PELI1: variants seen among roughly 807,000 people sequenced by gnomAD.
PELI1 encodes pellino E3 ubiquitin protein ligase 1, also known as E3 ubiquitin-protein ligase pellino homolog 1.
In PELI1, 15 loss-of-function variants were observed where a neutral mutation model predicts 41.3. The observed-to-expected ratio is 0.36, with a 90% CI of 0.24 to 0.56. The LOEUF (loss-of-function observed/expected upper bound fraction) is 0.56, where lower values mean the gene tolerates loss of function less well. PELI1 is among the 20% of genes least tolerant of loss of function. The pLI, the probability that PELI1 is intolerant of heterozygous loss-of-function variation, is 0.82. For synonymous variants in PELI1, 178 were observed against 180.1 expected (o/e 0.99, Z 0.09); for missense variants, 403 against 525.5 (o/e 0.77, Z 2.28).
intron 1 of PELI1, among the ~76,000 whole-genome samples, chr2:64,134,978 G>A (rs1681667874): frequency 6.6e-6 from 1 of 152,134 alleles, no homozygotes; most frequent in Non-Finnish European, 1.5e-5. Flanking sequence ...CTTGTGGAAG[G>A]AAGAAGTTAT....
At chr2:64,133,107 G>T (rs1199414182) in intron 1 of PELI1, among the ~76,000 whole-genome samples, 1 of 152,076 alleles carries the variant, frequency 6.6e-6, no homozygotes, top group African/African-American at 2.4e-5. Flanking sequence ...ACTAACCTGA[G>T]GTCTGTGCCA....
chr2:64,143,016 A>T (rs376478018), intron 1 of PELI1, among the ~76,000 whole-genome samples: 4 of 152,222 alleles, frequency 2.6e-5, no homozygotes, highest in South Asian at 2.1e-4. Flanking sequence ...ATTTGTTGAT[A>T]TACTGTTTGA....
Position 64,093,578 on chromosome 2 carries a change from CATTTCCTTAAGTCTCACTGTGGCA to C in PELI1, c.*1100_*1123del, listed in dbSNP as rs1680123657. The stretch of plus-strand genomic sequence containing the variant: ...CATTGGTGCTCATCTGCCAACCAAA[CATTTCCTTAAGTCTCACTGTGGCA>C]ATCTCCTTAGGATTCAAACCCAGAG... On this transcript the variant is annotated 3_prime_UTR_variant, in exon 7 of 7. Transcript: ENST00000358912. The C allele has an allele frequency of 6.5e-6, 1 of 152,688 alleles. No individual in the cohort carries two copies. The highest frequency in any genetic ancestry group is 1.5e-5 in the Non-Finnish European group (1 of 68,056). The allele number at this position is 152,688 out of a possible 1,614,324, so 9.5% of individuals were successfully genotyped here.
rs956482023 is a variant in PELI1 at position 64,134,840 on chromosome 2, C to G, written c.-70+9241G>C. On this transcript the variant is annotated intron_variant, in intron 1 of 6. Transcript: ENST00000358912. ...TTTTGAAAAACCAACAAAGCACTTTCAATTGTTTTCACTTATTGTTAAAAA... is the reference window on the plus strand; with the variant it reads ...TTTTGAAAAACCAACAAAGCACTTTGAATTGTTTTCACTTATTGTTAAAAA... 2.6e-5 allele frequency among the ~76,000 whole-genome samples: 4 copies of G among 152,216 alleles called. No homozygotes were observed. The East Asian group carries it at 7.7e-4, about 29-fold the overall frequency.
intron 1 of PELI1, among the ~76,000 whole-genome samples, chr2:64,128,627 T>C (rs1402601600): frequency 6.6e-6 from 1 of 152,138 alleles, no homozygotes; most frequent in Non-Finnish European, 1.5e-5. Flanking sequence ...TTTTAAAAAA[T>C]TCTTATTTTG....
chr2:64,107,880 G>T (rs956948929), intron 2 of PELI1, among the ~76,000 whole-genome samples: 1 of 152,138 alleles, frequency 6.6e-6, no homozygotes, highest in Admixed American at 6.5e-5. Context: ...GTTTCACCAT[G>T]TTGGCCAGGC....
chr2:64,115,015 G>A (rs2103704484), intron 1 of PELI1, among the ~76,000 whole-genome samples: 1 of 152,280 alleles, frequency 6.6e-6, no homozygotes, highest in East Asian at 1.9e-4. Context: ...ACTAAGACTT[G>A]TGTTAGTAAA....
intron 3 of PELI1, among the ~76,000 whole-genome samples, chr2:64,103,404 T>G (rs56301411): frequency 0.076 from 11,595 of 152,142 alleles, 645 homozygotes; most frequent in African/African-American, 0.16. Flanking sequence ...AATGGCATTT[T>G]GTGGGTGAAG....
At position 64,140,100 on chromosome 2, in the gene PELI1, G is replaced by T. The variant is rs557749013; in HGVS notation, c.-70+3981C>A. 2.6e-5 allele frequency among the ~76,000 whole-genome samples: 4 copies of T among 152,282 alleles called. No homozygotes were observed. In the South Asian group the frequency reaches 6.2e-4, roughly 24 times the overall value. Reference sequence around the variant, plus strand: ...TGTAGCCAAAAAAATAATAGAAAAAGAAACTGCAGAAGATGGTGGGAAACC... The same window carrying T: ...TGTAGCCAAAAAAATAATAGAAAAATAAACTGCAGAAGATGGTGGGAAACC... On this transcript the variant is annotated intron_variant, in intron 1 of 6. Coordinates refer to ENST00000358912, the MANE Select transcript of PELI1 (RefSeq NM_020651.4).
In PELI1 at chr2:64,104,843, A is replaced by G; in HGVS notation, c.72-13T>C. On this transcript the variant is annotated splice_polypyrimidine_tract_variant and intron_variant, in intron 2 of 6. Transcript: ENST00000358912. The stretch of plus-strand genomic sequence containing the variant: ...AGACCCATTATACCTGATGGGGGAA[A>G]AAAAGTATAGGTGATCTCTTGCAAG... 3.7e-6 allele frequency: 6 copies of G among 1,606,890 alleles called. No homozygotes were observed. The highest frequency in any genetic ancestry group is 1.1e-5 in the South Asian group (1 of 90,392).
chr2:64,123,791 G>A (rs1681299865), intron 1 of PELI1, among the ~76,000 whole-genome samples: 1 of 152,136 alleles, frequency 6.6e-6, no homozygotes, highest in South Asian at 2.1e-4. Flanking sequence ...CAATTCCTAG[G>A]TATATACCCA....
chr2:64,140,787 C>CAAAAAAAAA lies in PELI1; in HGVS notation c.-70+3285_-70+3293dup, dbSNP rs377041268. 2.7e-3 allele frequency among the ~76,000 whole-genome samples: 124 copies of CAAAAAAAAA among 46,298 alleles called. 33 individuals carry two copies. Among genetic ancestry groups the CAAAAAAAAA allele is most frequent in the African/African-American group, 4.5e-3 (38 of 8,530 alleles). The allele number at this position is 46,298 out of a possible 152,430, so 30.4% of individuals were successfully genotyped here. On this transcript the variant is annotated intron_variant, in intron 1 of 6. Coordinates refer to ENST00000358912, the MANE Select transcript of PELI1 (RefSeq NM_020651.4). ...GAAGTGATCTACTCAAGACAACATG[C>CAAAAAAAAA]AAAAAAAAAAAACAAACAAACAAAA...
intron 1 of PELI1, among the ~76,000 whole-genome samples, chr2:64,114,462 G>A (rs934002183): frequency 1.3e-5 from 2 of 152,168 alleles, no homozygotes; most frequent in Non-Finnish European, 2.9e-5. Context: ...TTCTGCTAGT[G>A]TCTTTTAGCT....
rs2017833 is a variant in PELI1, at chr2:64,114,585, T to C, written c.-69-6206A>G. 3.0e-3 allele frequency among the ~76,000 whole-genome samples: 452 copies of C among 152,324 alleles called. 1 individual carries two copies. The highest frequency in any genetic ancestry group is 0.019 in the East Asian group (101 of 5,186). Reference sequence around the variant, plus strand: ...TTAGAGAAGCCAAATAGCATGCTGATAGTATATCACCTACAGGGATAACTT... The same window carrying C: ...TTAGAGAAGCCAAATAGCATGCTGACAGTATATCACCTACAGGGATAACTT... On this transcript the variant is annotated intron_variant, in intron 1 of 6. Coordinates refer to ENST00000358912, the MANE Select transcript of PELI1 (RefSeq NM_020651.4).
intron 1 of PELI1, among the ~76,000 whole-genome samples, chr2:64,123,785 T>C (rs1355928258): frequency 6.6e-6 from 1 of 152,178 alleles, no homozygotes; most frequent in East Asian, 1.9e-4. Flanking sequence ...GGAATTCAAT[T>C]CCTAGGTATA....
In PELI1 at chr2:64,104,729, T is replaced by A; in HGVS notation, c.173A>T (p.His58Leu). The change falls in exon 3 of 7, where the codon CAT (histidine) becomes CTT (leucine). Residue 58 changes from histidine (H) to leucine (L), a missense_variant. His to Leu is a moderately conservative substitution (Grantham distance 99). Coordinates refer to ENST00000358912, the MANE Select transcript of PELI1 (RefSeq NM_020651.4). ...KANGVKPSTVHIACTPQAAKA... is the reference protein window; with the variant it reads ...KANGVKPSTVLIACTPQAAKA... ...TGCAGCCTGAGGAGTACAAGCAATA[T>A]GCACAGTGCTGGGCTTCACCCCATT... The A allele has an allele frequency of 6.2e-7, 1 of 1,609,842 alleles. No individual in the cohort carries two copies. The highest frequency in any genetic ancestry group is 8.5e-7 in the Non-Finnish European group (1 of 1,178,504).
chr2:64,107,503 C>CA (rs1472682027), intron 2 of PELI1, among the ~76,000 whole-genome samples: 1 of 151,868 alleles, frequency 6.6e-6, no homozygotes, highest in Non-Finnish European at 1.5e-5. Flanking sequence ...ATGTACAGCA[C>CA]AAAGCAATAA....
intron 4 of PELI1, among the ~76,000 whole-genome samples, chr2:64,099,165 T>TACACACACACACACACACAC (rs70965174): frequency 6.9e-6 from 1 of 144,802 alleles, no homozygotes; most frequent in Non-Finnish European, 1.5e-5. Context: ...ATCTTGGAGA[T>TACACACACACACACACACAC]ACACACACAC....
intron 1 of PELI1, among the ~76,000 whole-genome samples, chr2:64,143,880 A>C (rs1343986518): frequency 6.6e-6 from 1 of 151,384 alleles, no homozygotes; most frequent in Admixed American, 6.6e-5. Context: ...GGTTCCTGAC[A>C]AAGGCGCTTC....
Sources: allele counts gnomAD v4.1 joint callset (sites outside exome capture counted in the v4.1 genomes callset), GRCh38; gene constraint gnomAD v4.1.1; transcripts MANE v1.5; gene names NCBI Gene and HGNC (gene_info 2026-07-23, HGNC 2026-07-21).